Variants in TSPAN18 observed in about 807,000 individuals in gnomAD.
The protein encoded by TSPAN18 is tetraspanin 18, also known as tetraspanin-18.
Under a neutral mutation model 27.3 loss-of-function variants are expected in TSPAN18, and 14 were observed. The observed-to-expected ratio is 0.51, with a 90% CI of 0.34 to 0.80. TSPAN18 has a LOEUF of 0.80. Ranked by LOEUF, TSPAN18 falls within the 30% of genes least tolerant of loss-of-function variation. The pLI is 0.01. For missense variants in TSPAN18, 268 were observed against 323.9 expected, an observed-to-expected ratio of 0.83 and a Z score of 1.32; for synonymous variants, 143 against 136.5, an observed-to-expected ratio of 1.05 and a Z score of -0.33.
At chr11:44,815,955 A>C (rs1322037083) in intron 2 of TSPAN18, among the ~76,000 whole-genome samples, 5 of 152,296 alleles carry the variant, frequency 3.3e-5, no homozygotes, top group African/African-American at 9.6e-5. Flanking sequence ...TCCCCAATAT[A>C]TCCAGAAAAC....
intron 2 of TSPAN18, among the ~76,000 whole-genome samples, chr11:44,831,054 A>G (rs1565169048): frequency 6.6e-6 from 1 of 152,204 alleles, no homozygotes; most frequent in African/African-American, 2.4e-5. Flanking sequence ...TGGAAGTTGC[A>G]GTGAGCTGAG....
At chr11:44,756,444 A>G (rs1369296838) in intron 1 of TSPAN18, among the ~76,000 whole-genome samples, 1 of 152,102 alleles carries the variant, frequency 6.6e-6, no homozygotes, top group Non-Finnish European at 1.5e-5. Flanking sequence ...GCCATTTTTA[A>G]GTACACAGTT....
chr11:44,913,254 T>C (rs192492575), intron 5 of TSPAN18, among the ~76,000 whole-genome samples: 366 of 152,330 alleles, frequency 2.4e-3, no homozygotes, highest in Middle Eastern at 6.8e-3. Context: ...GGCCTTGAGA[T>C]GGGGCTGACT....
chr11:44,866,979 C>T (rs1453216823), intron 3 of TSPAN18, among the ~76,000 whole-genome samples: 1 of 152,216 alleles, frequency 6.6e-6, no homozygotes, highest in Non-Finnish European at 1.5e-5. Context: ...ACAAATGCAT[C>T]AATACCTTTC....
At chr11:44,899,450 T>C (rs1859178648) in intron 3 of TSPAN18, among the ~76,000 whole-genome samples, 1 of 152,214 alleles carries the variant, frequency 6.6e-6, no homozygotes, top group South Asian at 2.1e-4. Context: ...GGAACCCAGT[T>C]TGAGCACCAT....
chr11:44,784,849 G>A (rs1334366741), intron 2 of TSPAN18, among the ~76,000 whole-genome samples: 1 of 152,200 alleles, frequency 6.6e-6, no homozygotes, highest in Non-Finnish European at 1.5e-5. Context: ...CTCACAGTTG[G>A]CAAAAGGCAG....
intron 3 of TSPAN18, among the ~76,000 whole-genome samples, chr11:44,887,906 G>A (rs558084424): frequency 1.2e-4 from 18 of 152,290 alleles, no homozygotes; most frequent in African/African-American, 9.6e-5. Flanking sequence ...AATCTGGGCA[G>A]TGTGGTGGGC....
chr11:44,864,286 C>CA (rs34906166), intron 3 of TSPAN18, among the ~76,000 whole-genome samples: 62,127 of 91,956 alleles, frequency 0.68, 21,133 homozygotes, highest in Non-Finnish European at 0.78. Flanking sequence ...GACTCCGTCT[C>CA]AAAAAAAAAA....
intron 9 of TSPAN18, 47 bp downstream of exon 9, chr11:44,926,804 C>G (rs376099013): frequency 6.3e-7 from 1 of 1,589,632 alleles, no homozygotes; most frequent in Non-Finnish European, 8.6e-7. Context: ...TGAAGCCTCA[C>G]GTGGAGCCTA....
At chr11:44,906,260 C>T in intron 3 of TSPAN18, 147 bp from the exon 4 acceptor site, 5 of 760,230 alleles carry the variant, frequency 6.6e-6, no homozygotes, top group African/African-American at 1.7e-5. Context: ...AGGCTGGCTC[C>T]AGCATGCTCA....
chr11:44,916,464 C>A (rs1240580574), intron 5 of TSPAN18, among the ~76,000 whole-genome samples: 1 of 152,226 alleles, frequency 6.6e-6, no homozygotes, highest in African/African-American at 2.4e-5. Flanking sequence ...CCCACATTCA[C>A]TCCCCTTCTG....
rs1325990678 is a variant in TSPAN18 at position 44,929,844 on chromosome 11, A to C, written c.*666A>C. ...CACAGACACACAGCACAGGCGTGAC[A>C]GTTCTGAAAAGAAGCTGAGTTGTCT... On this transcript the variant is annotated 3_prime_UTR_variant, in exon 10 of 10. Transcript: ENST00000520358. The C allele has an allele frequency of 6.6e-6, 1 of 152,480 alleles. No homozygotes were observed. The highest frequency in any genetic ancestry group is 2.4e-5 in the African/African-American group (1 of 41,452). The allele number at this position is 152,480 out of a possible 1,614,324, so 9.4% of individuals were successfully genotyped here.
chr11:44,880,576 CCACCTGAT>C (rs1467829428), intron 3 of TSPAN18, among the ~76,000 whole-genome samples: 2 of 152,214 alleles, frequency 1.3e-5, no homozygotes, highest in Middle Eastern at 6.3e-3. Context: ...CTGAACCACA[CCACCTGAT>C]CACAGCTCAG....
upstream of TSPAN18, chr11:44,726,511 C>T (rs753636234): frequency 6.6e-6 from 1 of 152,306 alleles, no homozygotes; most frequent in East Asian, 1.9e-4. Flanking sequence ...AGGCTTTCAA[C>T]AGGTACTTCC....
intron 1 of TSPAN18, among the ~76,000 whole-genome samples, chr11:44,740,971 G>A (rs540668426): frequency 3.1e-4 from 47 of 152,166 alleles, no homozygotes; most frequent in Non-Finnish European, 5.9e-4. Context: ...GTAGAGACGA[G>A]GTTTTGCCAT....
intron 2 of TSPAN18, among the ~76,000 whole-genome samples, chr11:44,826,428 A>G (rs564026497): frequency 6.6e-6 from 1 of 152,358 alleles, no homozygotes; most frequent in South Asian, 2.1e-4. Context: ...CTCTGTCTCA[A>G]AAAAGAAAAG....
intron 2 of TSPAN18, among the ~76,000 whole-genome samples, chr11:44,794,777 C>G (rs1221614583): frequency 6.6e-6 from 1 of 152,190 alleles, no homozygotes; most frequent in Admixed American, 6.5e-5. Context: ...GCTGAGCCCT[C>G]AGCTTCTTCA....
chr11:44,892,468 A>G (rs878930968), intron 3 of TSPAN18, among the ~76,000 whole-genome samples: 6 of 152,148 alleles, frequency 3.9e-5, no homozygotes, highest in African/African-American at 1.4e-4. Flanking sequence ...GCTCCCCCCA[A>G]TTTCAAACTG....
At chr11:44,864,433 TG>T (rs1857981716) in intron 3 of TSPAN18, among the ~76,000 whole-genome samples, 3 of 152,160 alleles carry the variant, frequency 2.0e-5, no homozygotes. Context: ...ACTGTGTGCC[TG>T]GGCCTCTGAG....
Sources: gnomAD v4.1 joint callset for allele counts (sites outside exome capture counted in the v4.1 genomes callset) on GRCh38, gnomAD v4.1.1 for gene constraint, MANE v1.5 for transcripts, NCBI Gene and HGNC (gene_info 2026-07-23, HGNC 2026-07-21) for gene names.